Variants in KIF13B observed in about 807,000 individuals in gnomAD.
KIF13B encodes kinesin-like protein KIF13B.
Under a neutral mutation model 222.0 loss-of-function variants are expected in KIF13B, and 127 were observed. The observed-to-expected ratio is 0.57, with a 90% confidence interval of 0.50 to 0.66. The LOEUF is 0.66. Ranked by LOEUF, KIF13B falls within the 30% of genes least tolerant of loss-of-function variation. The probability of loss-of-function intolerance (pLI) is 0.00; values close to 1 mark genes in which losing one functional copy is unlikely to be tolerated. For synonymous variants in KIF13B, 976 were observed against 919.0 expected (o/e 1.06, Z -1.12); for missense variants, 2,173 against 2,379.0 (o/e 0.91, Z 1.80).
chr8:29,226,108 A>G (rs961285439), intron 2 of KIF13B, among the ~76,000 whole-genome samples: 3 of 152,138 alleles, frequency 2.0e-5, no homozygotes, highest in Non-Finnish European at 4.4e-5. Context: ...CAGGATCTAG[A>G]GACGGATTGA....
intron 36 of KIF13B, among the ~76,000 whole-genome samples, chr8:29,096,479 T>C (rs1413989819): frequency 1.3e-5 from 2 of 150,878 alleles, no homozygotes; most frequent in Non-Finnish European, 3.0e-5. Context: ...TTGTATTTTT[T>C]TGTGGAGATG....
chr8:29,196,191 G>T lies in KIF13B; in HGVS notation c.158C>A (p.Pro53Gln), dbSNP rs200573525. 7.0e-4 allele frequency: 1,090 copies of T among 1,564,838 alleles called. 17 individuals carry two copies. The South Asian group carries it at 0.01, about 15-fold the overall frequency. Residue 53 changes from proline to glutamine, a missense_variant, in exon 3 of 40, where the codon CCG becomes CAG. Pro to Gln is a moderately conservative substitution (Grantham distance 76, BLOSUM62 -1). Coordinates refer to ENST00000524189, the MANE Select transcript of KIF13B (RefSeq NM_015254.4). ...ATAACAAACCAAATCTCTTACCTTC[G>T]GCTGGCCCCTGAGCTCCCAAAACAG... ...NLSKGDARGQ[P>Q]KVFAYDHCFW...
intron 22 of KIF13B, among the ~76,000 whole-genome samples, chr8:29,132,812 A>T (rs567206387): frequency 1.3e-5 from 2 of 152,352 alleles, no homozygotes; most frequent in South Asian, 4.1e-4. Flanking sequence ...TGTTGATATA[A>T]AAGTTATATG....
intron 2 of KIF13B, among the ~76,000 whole-genome samples, chr8:29,214,435 G>C (rs117093102): frequency 0.015 from 2,270 of 152,018 alleles, 24 homozygotes; most frequent in Non-Finnish European, 0.023. Flanking sequence ...GCCCACACAG[G>C]GTCAGGATCA....
chr8:29,202,079 A>G (rs1279028974), intron 2 of KIF13B, among the ~76,000 whole-genome samples: 1 of 152,208 alleles, frequency 6.6e-6, no homozygotes, highest in Non-Finnish European at 1.5e-5. Context: ...AACATTGATA[A>G]AGTAGAGTAT....
intron 37 of KIF13B, among the ~76,000 whole-genome samples, chr8:29,088,828 C>G (rs929884811): frequency 6.6e-6 from 1 of 152,174 alleles, no homozygotes; most frequent in African/African-American, 2.4e-5. Context: ...TTGTTGTACC[C>G]TGAAGTGTGA....
chr8:29,185,820 G>A lies in KIF13B; in HGVS notation c.497+472C>T, dbSNP rs1025005591. ...TTGCGCTTCCTTAAAATCTGAACTC[G>A]AAAAACTCTGTGGAATGAACAGATT... On this transcript the variant is annotated intron_variant, in intron 6 of 39. Transcript: ENST00000524189. Among the ~76,000 whole-genome samples the A allele has an allele frequency of 2.1e-4, 32 of 152,184 alleles. 1 individual carries two copies. The highest frequency in any genetic ancestry group is 3.4e-3 in the Middle Eastern group (1 of 294).
Position 29,132,480 on chromosome 8 carries a change from C to A in KIF13B, c.2785-15G>T. The A allele has an allele frequency of 1.4e-6, 2 of 1,453,950 alleles. No homozygotes were observed. Among genetic ancestry groups the A allele is most frequent in the South Asian group, 3.1e-5 (2 of 65,072 alleles). 90.1% of individuals were successfully genotyped at this position (1,453,950 alleles called of 1,614,324 possible). Reference sequence around the variant, plus strand: ...ACAGAAAACTCCTGAAACACAACAGCTAATTACAGAAGAGCAAACTCTTTC... The same window carrying A: ...ACAGAAAACTCCTGAAACACAACAGATAATTACAGAAGAGCAAACTCTTTC... On this transcript the variant is annotated splice_polypyrimidine_tract_variant and intron_variant, in intron 22 of 39. Transcript: ENST00000524189.
In KIF13B at chr8:29,072,250, C is replaced by T. The variant is rs750932932; in HGVS notation, c.4588G>A (p.Asp1530Asn). 2.7e-6 allele frequency: 4 copies of T among 1,469,650 alleles called. No homozygotes were observed. Among genetic ancestry groups the T allele is most frequent in the Non-Finnish European group, 3.6e-6 (4 of 1,111,504 alleles). 91.0% of individuals were successfully genotyped at this position (1,469,650 alleles called of 1,614,324 possible). A position where few individuals can be genotyped will look rare whatever the true frequency, so the allele number is the denominator to read the frequency against. The part of the protein sequence containing the change: ...TMGAPALKIC[D>N]KPAKVPSPPP... The stretch of plus-strand genomic sequence containing the variant: ...GGGGAAGGCACTTTGGCAGGTTTGT[C>T]GCAGATCTTCAAGGCCGGGGCCCCC... The change falls in exon 39 of 40, where the codon GAC becomes AAC. Residue 1530 changes from aspartate to asparagine, a missense_variant. This residue lies in a region of KIF13B where 693 missense variants were observed against 656.2 expected (regional missense o/e 1.06). Transcript: ENST00000524189.
chr8:29,208,567 C>T (rs1814062669), intron 2 of KIF13B, among the ~76,000 whole-genome samples: 1 of 152,110 alleles, frequency 6.6e-6, no homozygotes, highest in South Asian at 2.1e-4. Context: ...AAACAGTGTG[C>T]TAGAGACAAT....
At chr8:29,086,073 C>T (rs1322942913) in intron 37 of KIF13B, among the ~76,000 whole-genome samples, 1 of 152,148 alleles carries the variant, frequency 6.6e-6, no homozygotes, top group Admixed American at 6.5e-5. Context: ...CCATAAATAA[C>T]TCCTTTAATC....
intron 2 of KIF13B, among the ~76,000 whole-genome samples, chr8:29,213,807 A>G (rs1392639043): frequency 1.3e-5 from 2 of 151,506 alleles, no homozygotes; most frequent in Non-Finnish European, 2.9e-5. Flanking sequence ...AAAAAAAAAT[A>G]GCCAGGTGTG....
chr8:29,071,753 G>A lies in KIF13B; in HGVS notation c.5085C>T (p.Asp1695=). 3.2e-6 allele frequency: 5 copies of A among 1,549,696 alleles called. No homozygotes were observed. Among genetic ancestry groups the A allele is most frequent in the South Asian group, 2.4e-5 (2 of 84,054 alleles). Residue 1695 remains aspartate, a synonymous_variant, in exon 39 of 40, where the codon GAC becomes GAT. Coordinates refer to ENST00000524189, the MANE Select transcript of KIF13B (RefSeq NM_015254.4). The surrounding 1 kb of genome is among the most constrained non-coding windows in gnomAD (Gnocchi z 4.9). ...CCTCTCGGAGCCACTCCGGGACCTC[G>A]TCAGCTTCCTCGGAATCAGAGGCCA... is the stretch of plus-strand genomic sequence containing the variant. ...QALASDSEEA[D]EVPEWLREGE...
intron 31 of KIF13B, 61 bp downstream of exon 31, chr8:29,116,770 G>A: frequency 6.7e-7 from 1 of 1,491,350 alleles, no homozygotes; most frequent in Non-Finnish European, 9.1e-7. Context: ...AGCAAGCACT[G>A]CACGGCCCTA....
At position 29,167,569 on chromosome 8, in the gene KIF13B, T is replaced by C; in HGVS notation, c.962A>G (p.Asn321Ser). The C allele has an allele frequency of 6.2e-7, 1 of 1,613,940 alleles. No individual in the cohort carries two copies. Among genetic ancestry groups the C allele is most frequent in the Non-Finnish European group, 8.5e-7 (1 of 1,179,826 alleles). ...TWLLKDSLGG[N>S]SKTAMVATVS... ...AGTAGCCACCATGGCGGTCTTGCTG[T>C]TACCCCCGAGGCTGTCCTACAGGAG... Residue 321 changes from asparagine to serine, a missense_variant, in exon 11 of 40, where the codon AAC becomes AGC. Asn to Ser is a conservative substitution (Grantham distance 46). Transcript: ENST00000524189.
intron 1 of KIF13B, among the ~76,000 whole-genome samples, chr8:29,253,067 A>G (rs1243363204): frequency 6.6e-6 from 1 of 152,210 alleles, no homozygotes; most frequent in Non-Finnish European, 1.5e-5. Context: ...TGATAGTGTG[A>G]AAATAATTAA....
intron 22 of KIF13B, among the ~76,000 whole-genome samples, chr8:29,133,577 C>T (rs1026860180): frequency 3.3e-5 from 5 of 152,060 alleles, no homozygotes; most frequent in South Asian, 2.1e-4. Context: ...GGTGACTGAG[C>T]GAGACTCTGT....
chr8:29,255,832 T>G (rs1000750856), intron 1 of KIF13B, among the ~76,000 whole-genome samples: 12 of 152,142 alleles, frequency 7.9e-5, no homozygotes, highest in African/African-American at 2.9e-4. Context: ...GACATGTGAT[T>G]GCTTTCACCT....
intron 5 of KIF13B, 64 bp downstream of exon 5, chr8:29,188,447 AAAAT>A: frequency 9.9e-7 from 1 of 1,008,904 alleles, no homozygotes; most frequent in South Asian, 1.5e-5. Flanking sequence ...GTTACTCAGT[AAAAT>A]AAACATGGTT....
Sources: gnomAD v4.1 joint callset for allele counts (sites outside exome capture counted in the v4.1 genomes callset) on GRCh38, gnomAD v4.1.1 for gene constraint, gnomAD v4.1.1 regional missense constraint, Gnocchi (gnomAD v3.1) non-coding constraint, MANE v1.5 for transcripts, NCBI Gene and HGNC (gene_info 2026-07-23, HGNC 2026-07-21) for gene names.